Variants in AVL9 observed in about 807,000 individuals in gnomAD.
AVL9 encodes the protein AVL9 cell migration associated.
AVL9 carries 49 observed loss-of-function variants against 79.2 expected under a neutral mutation model. The ratio of observed to expected loss-of-function variants is 0.62; its 90% CI spans 0.49 to 0.79. AVL9 has a LOEUF of 0.79. Ranked by LOEUF, AVL9 falls within the 30% of genes least tolerant of loss-of-function variation. The probability of loss-of-function intolerance (pLI) is 0.00; values close to 1 mark genes in which losing one functional copy is unlikely to be tolerated. For synonymous variants in AVL9, 299 were observed against 280.6 expected (o/e 1.07, Z -0.65); for missense variants, 682 against 776.8 (o/e 0.88, Z 1.45).
chr7:32,499,359 T>A (rs1250795694), intron 1 of AVL9, among the ~76,000 whole-genome samples: 2 of 112 alleles, frequency 0.018, no homozygotes, highest in African/African-American at 0.019. Context: ...ATTAACTCTG[T>A]TTTTTTTTTT....
At chr7:32,578,065 A>G (rs1681076429) in intron 13 of AVL9, among the ~76,000 whole-genome samples, 1 of 152,198 alleles carries the variant, frequency 6.6e-6, no homozygotes, top group African/African-American at 2.4e-5. Context: ...TACCATCTTC[A>G]GGTTACAGAA....
Position 32,527,686 on chromosome 7 carries a change from C to T in AVL9, c.94-15455C>T, listed in dbSNP as rs138080911. 1.0e-2 allele frequency among the ~76,000 whole-genome samples: 1,516 copies of T among 152,246 alleles called. 10 individuals are homozygous for T. Among genetic ancestry groups the T allele is most frequent in the Non-Finnish European group, 0.015 (1,041 of 68,038 alleles). On this transcript the variant is annotated intron_variant, in intron 1 of 15. Coordinates refer to ENST00000318709, the MANE Select transcript of AVL9 (RefSeq NM_015060.3). ...CCCACCGAGGGACAGGATGGGCCCA[C>T]GGCAGGCTGCTATGCCACACCAGCA...
intron 1 of AVL9, among the ~76,000 whole-genome samples, chr7:32,499,851 G>C (rs544592326): frequency 1.3e-5 from 2 of 152,140 alleles, no homozygotes; most frequent in Non-Finnish European, 2.9e-5. Context: ...GTGGTGTTTG[G>C]TTTTGTGTTC....
intron 1 of AVL9, chr7:32,538,722 A>G (rs563286066): frequency 1.2e-4 from 19 of 152,212 alleles, no homozygotes; most frequent in Admixed American, 1.3e-4. Context: ...TTTTTTTTGC[A>G]CAAACGGAAT....
Position 32,573,437 on chromosome 7 carries a change from C to G in AVL9, c.1570+19C>G, listed in dbSNP as rs767368312. On this transcript the variant is annotated intron_variant, in intron 12 of 15. Transcript: ENST00000318709. ...CAATTAGGTAAGAAACCACACGGAGCCTACAGCTACCTGTTTTATTATAAT... is the reference window on the plus strand; with the variant it reads ...CAATTAGGTAAGAAACCACACGGAGGCTACAGCTACCTGTTTTATTATAAT... The G allele has an allele frequency of 6.3e-7, 1 of 1,577,356 alleles. No individual in the cohort carries two copies. The highest frequency in any genetic ancestry group is 1.7e-5 in the Admixed American group (1 of 58,946).
intron 10 of AVL9, among the ~76,000 whole-genome samples, chr7:32,560,656 C>G (rs1461764833): frequency 6.6e-6 from 1 of 152,150 alleles, no homozygotes; most frequent in Non-Finnish European, 1.5e-5. Context: ...ATATTTTGAC[C>G]TCCTCCTGTG....
intron 3 of AVL9, among the ~76,000 whole-genome samples, chr7:32,548,375 T>C (rs1212664755): frequency 2.0e-5 from 3 of 152,062 alleles, no homozygotes; most frequent in Admixed American, 1.3e-4. Flanking sequence ...CTCAAACTCC[T>C]GGCCTCAGGT....
chr7:32,515,058 T>A (rs1402226251), intron 1 of AVL9, among the ~76,000 whole-genome samples: 1 of 152,202 alleles, frequency 6.6e-6, no homozygotes, highest in Non-Finnish European at 1.5e-5. Flanking sequence ...TTCCTTTTTC[T>A]CCATAGACAC....
chr7:32,579,557 T>TATAA (rs1554348185), intron 13 of AVL9, among the ~76,000 whole-genome samples: 1 of 2,710 alleles, frequency 3.7e-4, no homozygotes, highest in Non-Finnish European at 5.6e-4. Flanking sequence ...ATATTATATA[T>TATAA]TATATTATAT....
At chr7:32,573,064 A>C in intron 11 of AVL9, 135 bp from the exon 12 acceptor site, 1 of 653,630 alleles carries the variant, frequency 1.5e-6, no homozygotes, top group Non-Finnish European at 2.6e-6. Context: ...CCTCTTTCTT[A>C]GACTCACCTT....
chr7:32,558,753 C>T, intron 9 of AVL9, 125 bp downstream of exon 9: 3 of 983,784 alleles, frequency 3.0e-6, no homozygotes, highest in Non-Finnish European at 4.4e-6. Context: ...TGACGTCTTC[C>T]TTTTGGAAAT....
At chr7:32,574,242 A>AGC (rs1790984706) in intron 12 of AVL9, among the ~76,000 whole-genome samples, 1 of 59,228 alleles carries the variant, frequency 1.7e-5, no homozygotes, top group Non-Finnish European at 3.3e-5. Flanking sequence ...TTTTTTAATC[A>AGC]ACACCACCAC....
chr7:32,501,324 T>A (rs1295282258), intron 1 of AVL9, among the ~76,000 whole-genome samples: 1 of 152,166 alleles, frequency 6.6e-6, no homozygotes, highest in Non-Finnish European at 1.5e-5. Context: ...TTGCAATAAG[T>A]AGTTCTTTGG....
At chr7:32,505,261 T>C (rs368057434) in intron 1 of AVL9, among the ~76,000 whole-genome samples, 9 of 151,750 alleles carry the variant, frequency 5.9e-5, no homozygotes, top group African/African-American at 1.9e-4. Context: ...CGTGGTGGCT[T>C]ACGCCTGTAA....
chr7:32,537,471 T>G (rs1467088668), intron 1 of AVL9: 4 of 146,604 alleles, frequency 2.7e-5, no homozygotes, highest in African/African-American at 7.6e-5. Flanking sequence ...TTTTTTTTTT[T>G]TTTTTTTTTT....
At chr7:32,545,764 A>G (rs1230663466) in intron 3 of AVL9, among the ~76,000 whole-genome samples, 1 of 152,160 alleles carries the variant, frequency 6.6e-6, no homozygotes, top group Non-Finnish European at 1.5e-5. Flanking sequence ...TGGTTTGCTT[A>G]TGTGTAGCAC....
chr7:32,532,031 A>G (rs1788681910), intron 1 of AVL9: 1 of 152,262 alleles, frequency 6.6e-6, no homozygotes, highest in African/African-American at 2.4e-5. Flanking sequence ...GCGTCCAGGA[A>G]AAATGAGGTC....
chr7:32,554,684 A>G (rs1238392844), intron 8 of AVL9, 88 bp downstream of exon 8: 41 of 904,642 alleles, frequency 4.5e-5, no homozygotes, highest in Middle Eastern at 3.2e-4. Flanking sequence ...GAAACTAATG[A>G]TAAAGTATTA....
intron 12 of AVL9, among the ~76,000 whole-genome samples, chr7:32,574,308 C>T (rs1213048810): frequency 1.3e-5 from 2 of 151,916 alleles, no homozygotes; most frequent in African/African-American, 2.4e-5. Context: ...AAGTAGGTTT[C>T]GGGAGAGTTT....
Sources: allele counts gnomAD v4.1 joint callset (sites outside exome capture counted in the v4.1 genomes callset), GRCh38; gene constraint gnomAD v4.1.1; transcripts MANE v1.5; gene names NCBI Gene and HGNC (gene_info 2026-07-23, HGNC 2026-07-21).